Variants in ADRA1A observed in about 807,000 individuals in gnomAD.
ADRA1A encodes the protein adrenoceptor alpha 1A.
A neutral mutation model predicts 29.6 loss-of-function variants in ADRA1A; 31 were observed. The ratio of observed to expected loss-of-function variants is 1.05; its 90% CI spans 0.79 to 1.41. The LOEUF (loss-of-function observed/expected upper bound fraction) is 1.41. Ranked by LOEUF, ADRA1A falls within the 40% of genes most tolerant of loss-of-function variation. The probability of loss-of-function intolerance (pLI) is 0.00; values close to 1 mark genes in which losing one functional copy is unlikely to be tolerated. For synonymous variants in ADRA1A, 311 were observed against 254.3 expected, an observed-to-expected ratio of 1.22 and a Z score of -2.12; for missense variants, 619 against 601.1, an observed-to-expected ratio of 1.03 and a Z score of -0.31.
At chr8:26,795,220 T>A (rs764225491) in intron 2 of ADRA1A, among the ~76,000 whole-genome samples, 1 of 151,994 alleles carries the variant, frequency 6.6e-6, no homozygotes, top group Admixed American at 6.6e-5. Flanking sequence ...GAGACTGCAG[T>A]ATCGTGTCAA....
chr8:26,810,597 C>T (rs990131794), intron 2 of ADRA1A, among the ~76,000 whole-genome samples: 2 of 152,216 alleles, frequency 1.3e-5, no homozygotes, highest in African/African-American at 4.8e-5. Flanking sequence ...GCAGCTCTGG[C>T]ATGGTCCAGC....
In ADRA1A at chr8:26,866,033, T is replaced by C. The variant is rs3808584; in HGVS notation, c.-686-378A>G. ...GCTGGCGAGTGTGTCGCACGGATCCTAGCCGGGGAATTCTGGAGGATGTAC... is the reference window on the plus strand; with the variant it reads ...GCTGGCGAGTGTGTCGCACGGATCCCAGCCGGGGAATTCTGGAGGATGTAC... On this transcript the variant is annotated intron_variant, in intron 1 of 2. Coordinates refer to ENST00000380573, the MANE Select transcript of ADRA1A (RefSeq NM_000680.4). The surrounding 1 kb of genome is among the most constrained non-coding windows in gnomAD (Gnocchi z 5.7). Among the ~76,000 whole-genome samples, 12 of 152,324 alleles carry C rather than the reference T, an allele frequency of 7.9e-5. No homozygotes were observed. In the East Asian group the frequency reaches 1.9e-3, roughly 25 times the overall value.
chr8:26,798,537 T>C (rs7827654), intron 2 of ADRA1A, among the ~76,000 whole-genome samples: 2,638 of 152,284 alleles, frequency 0.017, 69 homozygotes, highest in African/African-American at 0.057. Flanking sequence ...TTTTTATTCC[T>C]AAATTATTTC....
intron 2 of ADRA1A, among the ~76,000 whole-genome samples, chr8:26,829,779 C>T (rs1450102436): frequency 6.6e-6 from 1 of 151,948 alleles, no homozygotes; most frequent in Non-Finnish European, 1.5e-5. Context: ...AAAATTGAAA[C>T]CTGGAAAAAA....
At chr8:26,816,570 C>T (rs969752260) in intron 2 of ADRA1A, among the ~76,000 whole-genome samples, 3 of 116,656 alleles carry the variant, frequency 2.6e-5, no homozygotes, top group African/African-American at 8.9e-5. Context: ...TGTGTGTGTG[C>T]ATCCACATTG....
At chr8:26,772,117 C>CT (rs35838948) in intron 2 of ADRA1A, 6,013 of 134,250 alleles carry the variant, frequency 0.045, 159 homozygotes, top group Middle Eastern at 0.078. Flanking sequence ...ATAATATGGG[C>CT]TTTTTTTTTT....
Position 26,836,104 on chromosome 8 carries a change from C to T in ADRA1A, c.883+27983G>A, listed in dbSNP as rs553302627. On this transcript the variant is annotated intron_variant, in intron 2 of 2. Transcript: ENST00000380573. Reference sequence around the variant, plus strand: ...CACATAGAGACATCACACCCTTCAGCGGTTGTTGCCTTCTCACAGAGGTGG... The same window carrying T: ...CACATAGAGACATCACACCCTTCAGTGGTTGTTGCCTTCTCACAGAGGTGG... The T allele has an allele frequency of 1.9e-4, 35 of 187,090 alleles. 1 individual carries two copies. Among genetic ancestry groups the T allele is most frequent in the East Asian group, 4.6e-4 (3 of 6,544 alleles). The allele number at this position is 187,090 out of a possible 1,614,324, so 11.6% of individuals were successfully genotyped here.
chr8:26,808,428 T>G (rs894689079), intron 2 of ADRA1A, among the ~76,000 whole-genome samples: 2 of 152,198 alleles, frequency 1.3e-5, no homozygotes, highest in East Asian at 3.8e-4. Flanking sequence ...TAACTAAAAT[T>G]TTGAACAGTT....
rs76900385 is a variant in ADRA1A, at chr8:26,782,192, A to G, written c.884-11526T>C. Reference sequence around the variant, plus strand: ...ATTAAGCTAGGGATGAAGATTGGCTATAGGTCTCTGCTCTTTCTCCCCAGC... The same window carrying G: ...ATTAAGCTAGGGATGAAGATTGGCTGTAGGTCTCTGCTCTTTCTCCCCAGC... On this transcript the variant is annotated intron_variant, in intron 2 of 2. Transcript: ENST00000380573. 1.6e-3 allele frequency among the ~76,000 whole-genome samples: 248 copies of G among 152,294 alleles called. 5 individuals are homozygous for G. The East Asian group carries it at 0.043, about 27-fold the overall frequency.
rs1186769271 is a variant in ADRA1A, at chr8:26,775,572, G to A, written c.884-4906C>T. Among the ~76,000 whole-genome samples, 1 of 152,132 alleles carries A rather than the reference G, an allele frequency of 6.6e-6. No homozygotes were observed. Among genetic ancestry groups the A allele is most frequent in the Non-Finnish European group, 1.5e-5 (1 of 68,030 alleles). ...TCCTCAACAATCTCTGCTTCAAGAA[G>A]AGCCAACAGCTCCTGACTTAATCCC... On this transcript the variant is annotated intron_variant, in intron 2 of 2. Coordinates refer to ENST00000380573, the MANE Select transcript of ADRA1A (RefSeq NM_000680.4). The surrounding 1 kb of genome is among the most constrained non-coding windows in gnomAD (Gnocchi z 4.1).
At chr8:26,781,460 T>A (rs141934261) in intron 2 of ADRA1A, among the ~76,000 whole-genome samples, 51 of 152,310 alleles carry the variant, frequency 3.3e-4, no homozygotes, top group African/African-American at 1.1e-3. Context: ...AAAACAACAT[T>A]TTGAACACAG....
intron 2 of ADRA1A, among the ~76,000 whole-genome samples, chr8:26,851,506 A>C (rs754264314): frequency 2.9e-4 from 44 of 152,350 alleles, no homozygotes; most frequent in Non-Finnish European, 6.2e-4. Flanking sequence ...AAATTAGTTA[A>C]ATCCTTATTA....
chr8:26,783,031 G>C (rs115539159), intron 2 of ADRA1A, among the ~76,000 whole-genome samples: 1 of 152,120 alleles, frequency 6.6e-6, no homozygotes, highest in African/African-American at 2.4e-5. Context: ...CCACCACCAC[G>C]TCTAGCTAGA....
intron 2 of ADRA1A, among the ~76,000 whole-genome samples, chr8:26,760,593 C>T (rs747695300): frequency 7.2e-5 from 11 of 152,320 alleles, no homozygotes; most frequent in Non-Finnish European, 8.8e-5. Flanking sequence ...ATCACTGGCA[C>T]GGGTGCCCCA....
rs1809663983 is a variant in ADRA1A, at chr8:26,815,027, C to G, written c.884-44361G>C. On this transcript the variant is annotated intron_variant, in intron 2 of 2. Coordinates refer to ENST00000380573, the MANE Select transcript of ADRA1A (RefSeq NM_000680.4). This position sits in a 1 kb window ranked among gnomAD's most constrained non-coding sequence, Gnocchi z 4.2. ...CTTCCTTATTAGACAGGCTTCTCCCCTGATATCAATCCTTATGTATTTAAC... is the reference window on the plus strand; with the variant it reads ...CTTCCTTATTAGACAGGCTTCTCCCGTGATATCAATCCTTATGTATTTAAC... Among the ~76,000 whole-genome samples the G allele has an allele frequency of 6.6e-6, 1 of 152,144 alleles. No individual in the cohort carries two copies. Among genetic ancestry groups the G allele is most frequent in the Non-Finnish European group, 1.5e-5 (1 of 68,020 alleles).
At chr8:26,818,656 A>C (rs1294510612) in intron 2 of ADRA1A, among the ~76,000 whole-genome samples, 1 of 152,134 alleles carries the variant, frequency 6.6e-6, no homozygotes, top group East Asian at 1.9e-4. Context: ...AGAACCAAAG[A>C]GAGATTCTGG....
chr8:26,850,025 C>CAAAAAAAAAAAAAAAAAA (rs141672591), intron 2 of ADRA1A, among the ~76,000 whole-genome samples: 1 of 121,558 alleles, frequency 8.2e-6, no homozygotes, highest in Non-Finnish European at 1.7e-5. Flanking sequence ...GAGAGAAATG[C>CAAAAAAAAAAAAAAAAAA]AAAAACAAAA....
intron 2 of ADRA1A, among the ~76,000 whole-genome samples, chr8:26,757,519 C>T (rs1166337605): frequency 6.9e-6 from 1 of 144,086 alleles, no homozygotes; most frequent in East Asian, 2.0e-4. Flanking sequence ...ATTTCCCCCA[C>T]CCCCCACCTC....
chr8:26,834,063 G>A (rs2130662990), intron 2 of ADRA1A, among the ~76,000 whole-genome samples: 1 of 152,270 alleles, frequency 6.6e-6, no homozygotes, highest in East Asian at 1.9e-4. Flanking sequence ...AGGTAGCTGG[G>A]TAAAGGTTAA....
Sources: allele counts gnomAD v4.1 joint callset (sites outside exome capture counted in the v4.1 genomes callset), GRCh38; gene constraint gnomAD v4.1.1; non-coding constraint Gnocchi (gnomAD v3.1); transcripts MANE v1.5; gene names NCBI Gene and HGNC (gene_info 2026-07-23, HGNC 2026-07-21).